The following ADCY4 variants were observed in gnomAD, a reference collection of about 807,000 sequenced individuals.
ADCY4 encodes adenylate cyclase type 4.
Under a neutral mutation model 125.5 loss-of-function variants are expected in ADCY4, and 111 were observed. That is an observed-to-expected ratio of 0.88 (90% confidence interval 0.76 to 1.04). ADCY4 has a LOEUF of 1.04. Ranked by LOEUF, ADCY4 falls within the 50% of genes least tolerant of loss-of-function variation. The probability of loss-of-function intolerance (pLI) is 0.00; values close to 1 mark genes in which losing one functional copy is unlikely to be tolerated. For missense variants in ADCY4, 1,256 were observed against 1,382.9 expected, an observed-to-expected ratio of 0.91 and a Z score of 1.46; for synonymous variants, 576 against 586.9, an observed-to-expected ratio of 0.98 and a Z score of 0.27.
chr14:24,323,165 C>A (rs1469622446), intron 17 of ADCY4, 77 bp from the exon 18 acceptor site: 2 of 1,518,666 alleles, frequency 1.3e-6, no homozygotes, highest in Non-Finnish European at 1.8e-6. Flanking sequence ...CCCTTCCTGT[C>A]CCTCCCAGGC....
In ADCY4 at chr14:24,334,495, C is replaced by T. The variant is rs746767154; in HGVS notation, c.158G>A (p.Arg53Lys). ...TCCCGCAGCAGAGGCTCGGCTCACC[C>T]TGCCGCTGGCCCAGGCCACTGCGAG... Reference protein sequence around the residue: ...ALLAVAWASGRELTSDPSFLT... With the variant: ...ALLAVAWASGKELTSDPSFLT... Residue 53 changes from arginine (R) to lysine (K), a missense_variant and splice_region_variant, in exon 1 of 25, where the codon AGG becomes AAG. Transcript: ENST00000418030. 6.3e-7 allele frequency: 1 copy of T among 1,578,696 alleles called. No homozygotes were observed. Among genetic ancestry groups the T allele is most frequent in the Admixed American group, 1.8e-5 (1 of 56,360 alleles).
intron 20 of ADCY4, chr14:24,321,803 C>G: frequency 8.5e-7 from 1 of 1,180,354 alleles, no homozygotes; most frequent in Admixed American, 4.0e-5. Context: ...CCAGACAGCT[C>G]CCATCAACGC....
In ADCY4 at chr14:24,334,564, A is replaced by G. The variant is rs2042103511; in HGVS notation, c.89T>C (p.Leu30Pro). The change falls in exon 1 of 25, where the codon CTG becomes CCG. Residue 30 changes from leucine (L) to proline (P), a missense_variant. Physicochemically the swap from Leu to Pro is moderately conservative, Grantham distance 98 (BLOSUM62 -3). Coordinates refer to ENST00000418030, the MANE Select transcript of ADCY4 (RefSeq NM_001198568.2). ...GAGCACGATCCCCAGCAGCAGCAGC[A>G]GCAGCGGGTACTGCTGGCTCAGGCT... ...YYSLSQQYPLLLLLLGIVLCA... is the reference protein window; with the variant it reads ...YYSLSQQYPLPLLLLGIVLCA... 2 of 1,581,526 alleles carry G rather than the reference A, an allele frequency of 1.3e-6. No homozygotes were observed. Among genetic ancestry groups the G allele is most frequent in the Admixed American group, 1.8e-5 (1 of 55,862 alleles).
rs776124736 is a variant in ADCY4 at position 24,319,744 on chromosome 14, C to T, written c.2731G>A (p.Glu911Lys). 4 of 1,614,106 alleles carry T rather than the reference C, an allele frequency of 2.5e-6. No homozygotes were observed. Among genetic ancestry groups the T allele is most frequent in the Admixed American group, 1.7e-5 (1 of 60,018 alleles). The change falls in exon 21 of 25, where the codon GAG (glutamate) becomes AAG (lysine). Residue 911 changes from glutamate to lysine, a missense_variant and splice_region_variant. Coordinates refer to ENST00000418030, the MANE Select transcript of ADCY4 (RefSeq NM_001198568.2). This position sits in a 1 kb window ranked among gnomAD's most constrained non-coding sequence, Gnocchi z 4.5. ...TGGGAGACTCTTGGAATTTTCACCT[C>T]ATCAAAATCAGCAATTATCTCATTG... ...LLNEIIADFDELLSKPKFSGV... is the reference protein window; with the variant it reads ...LLNEIIADFDKLLSKPKFSGV...
At chr14:24,321,013 G>A (rs1201906096) in intron 20 of ADCY4, among the ~76,000 whole-genome samples, 4 of 151,980 alleles carry the variant, frequency 2.6e-5, no homozygotes, top group Admixed American at 6.6e-5. Context: ...CTGTGGTGGG[G>A]GATGGTTTTG....
chr14:24,323,924 T>G, intron 16 of ADCY4, 138 bp downstream of exon 16: 1 of 1,270,320 alleles, frequency 7.9e-7, no homozygotes. Context: ...CTGTAATTTT[T>G]TTCTTTCTAT....
chr14:24,332,036 A>G (rs1398245660), intron 3 of ADCY4, 99 bp from the exon 4 acceptor site: 13 of 1,355,412 alleles, frequency 9.6e-6, no homozygotes, highest in Non-Finnish European at 8.7e-6. Flanking sequence ...ACTGGGCTTT[A>G]CAGTGAGGGA....
rs972344901 is a variant in ADCY4, at chr14:24,323,641, G to T, written c.2047-187C>A. ...TCACTCGGGGAGGAGTTATGTGAGG[G>T]GCGTCAAGAGTACTCCTCTGACTCT... is the stretch of plus-strand genomic sequence containing the variant. On this transcript the variant is annotated intron_variant, in intron 16 of 24. Coordinates refer to ENST00000418030, the MANE Select transcript of ADCY4 (RefSeq NM_001198568.2). 4.2e-6 allele frequency: 6 copies of T among 1,418,990 alleles called. No homozygotes were observed. The Admixed American group carries it at 8.5e-5, about 20-fold the overall frequency. The allele number at this position is 1,418,990 out of a possible 1,614,324, so 87.9% of individuals were successfully genotyped here. A position where few individuals can be genotyped will look rare whatever the true frequency, so the allele number is the denominator to read the frequency against.
chr14:24,326,653 G>A (rs1188295810), intron 10 of ADCY4: 3 of 305,280 alleles, frequency 9.8e-6, no homozygotes, highest in African/African-American at 6.5e-5. Context: ...GAGTGCAATG[G>A]CATGATCTCG....
chr14:24,321,347 G>A (rs2041849045), intron 20 of ADCY4, among the ~76,000 whole-genome samples: 2 of 152,012 alleles, frequency 1.3e-5, no homozygotes, highest in African/African-American at 4.8e-5. Context: ...CTTGAACCCA[G>A]GAGGCGGAGG....
At chr14:24,329,745 G>C in intron 8 of ADCY4, 115 bp downstream of exon 8, 1 of 1,489,492 alleles carries the variant, frequency 6.7e-7, no homozygotes, top group South Asian at 1.3e-5. Context: ...CCCCATATGG[G>C]ACTTATCTTA....
Position 24,318,500 on chromosome 14 carries a change from C to T in ADCY4, c.3150G>A (p.Lys1050=). 1 of 1,614,184 alleles carries T rather than the reference C, an allele frequency of 6.2e-7. No individual in the cohort carries two copies. Among genetic ancestry groups the T allele is most frequent in the Non-Finnish European group, 8.5e-7 (1 of 1,180,036 alleles). ...TGCAGAGCTGCCCTTTGCCTTTCAC[C>T]TTGATGACACCCCGGCTGTAGCAGG... ...GYTCYSRGVI[K]VKGKGQLCTY... The change falls in exon 25 of 25, where the codon AAG becomes AAA. Residue 1050 remains lysine, a synonymous_variant. Coordinates refer to ENST00000418030, the MANE Select transcript of ADCY4 (RefSeq NM_001198568.2).
In ADCY4 at chr14:24,331,967, C is replaced by T. The variant is rs201998598; in HGVS notation, c.520-30G>A. On this transcript the variant is annotated intron_variant, in intron 3 of 24. Transcript: ENST00000418030. Reference sequence around the variant, plus strand: ...GGGTGAAGGCCAGCCTCAGAGGGCGCGGGACCCGGGTGCTTGTCGTGTGTA... The same window carrying T: ...GGGTGAAGGCCAGCCTCAGAGGGCGTGGGACCCGGGTGCTTGTCGTGTGTA... 1.1e-4 allele frequency: 173 copies of T among 1,514,946 alleles called. No homozygotes were observed. The African/African-American group carries it at 2.2e-3, about 19-fold the overall frequency. 93.8% of individuals were successfully genotyped at this position (1,514,946 alleles called of 1,614,324 possible).
At chr14:24,320,855 C>T (rs2041839259) in intron 20 of ADCY4, among the ~76,000 whole-genome samples, 1 of 152,092 alleles carries the variant, frequency 6.6e-6, no homozygotes, top group East Asian at 1.9e-4. Flanking sequence ...AATTAATTAA[C>T]ATTAAAATTT....
chr14:24,329,231 C>G lies in ADCY4; in HGVS notation c.1354G>C (p.Glu452Gln), dbSNP rs1156485049. The G allele has an allele frequency of 6.2e-7, 1 of 1,613,428 alleles. No individual in the cohort carries two copies. Among genetic ancestry groups the G allele is most frequent in the Non-Finnish European group, 8.5e-7 (1 of 1,179,668 alleles). Residue 452 changes from glutamate to glutamine, a missense_variant, in exon 10 of 25, where the codon GAG (glutamate) becomes CAG (glutamine). Coordinates refer to ENST00000418030, the MANE Select transcript of ADCY4 (RefSeq NM_001198568.2). ...PTYLVIDPRAEEEDEKGTAGG... is the reference protein window; with the variant it reads ...PTYLVIDPRAQEEDEKGTAGG... ...GCAGTGCCCTTCTCATCCTCCTCCT[C>G]TGCCTGGGGCACATAAGGGCTGACA...
chr14:24,318,692 T>C lies in ADCY4; in HGVS notation c.3043A>G (p.Ser1015Gly). ...DIWGNTVNVASRMESTGVLGK... is the reference protein window; with the variant it reads ...DIWGNTVNVAGRMESTGVLGK... ...AGGACTCCTGTACTCTCCATGCGGC[T>C]GGCCACGTTCACTGTGTTGCCCCAA... is the stretch of plus-strand genomic sequence containing the variant. The change falls in exon 24 of 25, where the codon AGC becomes GGC. Residue 1015 changes from serine (S) to glycine (G), a missense_variant. Coordinates refer to ENST00000418030, the MANE Select transcript of ADCY4 (RefSeq NM_001198568.2). 1.2e-6 allele frequency: 2 copies of C among 1,614,208 alleles called. No homozygotes were observed. Among genetic ancestry groups the C allele is most frequent in the Non-Finnish European group, 1.7e-6 (2 of 1,180,030 alleles).
chr14:24,319,671 G>A lies in ADCY4; in HGVS notation c.2733+71C>T. 1.3e-6 allele frequency: 2 copies of A among 1,595,558 alleles called. No homozygotes were observed. The highest frequency in any genetic ancestry group is 1.1e-5 in the South Asian group (1 of 90,260). ...TTGACTTCATGGCCAGAAAAGCAAAGTGGAAGGAGGTACTGGTGGAAAATT... is the reference window on the plus strand; with the variant it reads ...TTGACTTCATGGCCAGAAAAGCAAAATGGAAGGAGGTACTGGTGGAAAATT... On this transcript the variant is annotated intron_variant, in intron 21 of 24. Coordinates refer to ENST00000418030, the MANE Select transcript of ADCY4 (RefSeq NM_001198568.2). This position sits in a 1 kb window ranked among gnomAD's most constrained non-coding sequence, Gnocchi z 4.5.
intron 23 of ADCY4, 112 bp from the exon 24 acceptor site, chr14:24,318,890 G>T: frequency 7.0e-7 from 1 of 1,421,686 alleles, no homozygotes; most frequent in Non-Finnish European, 9.7e-7. Flanking sequence ...GAGAGGAGGG[G>T]TCTCTAAGGG....
At position 24,324,072 on chromosome 14, in the gene ADCY4, A is replaced by G. The variant is rs761352581; in HGVS notation, c.2036T>C (p.Ile679Thr). The G allele has an allele frequency of 1.2e-6, 2 of 1,614,086 alleles. No individual in the cohort carries two copies. Among genetic ancestry groups the G allele is most frequent in the South Asian group, 2.2e-5 (2 of 91,074 alleles). Residue 679 changes from isoleucine (I) to threonine (T), a missense_variant, in exon 16 of 25, where the codon ATT becomes ACT. By Grantham distance (89) the Ile-to-Thr change is moderately conservative (BLOSUM62 -1). Transcript: ENST00000418030. ...ATILLVFAMA[I>T]TSLFFFPTSS... Reference sequence around the variant, plus strand: ...CCCCTCTGTCCTCACCAGGCTGGTAATGGCCATGGCAAAGACAAGGAGGAT... The same window carrying G: ...CCCCTCTGTCCTCACCAGGCTGGTAGTGGCCATGGCAAAGACAAGGAGGAT...
Sources: allele counts gnomAD v4.1 joint callset (sites outside exome capture counted in the v4.1 genomes callset), GRCh38; gene constraint gnomAD v4.1.1; non-coding constraint Gnocchi (gnomAD v3.1); transcripts MANE v1.5; gene names NCBI Gene and HGNC (gene_info 2026-07-23, HGNC 2026-07-21).